The following TTC13 variants were observed in gnomAD, a reference collection of about 807,000 sequenced individuals.
TTC13 encodes tetratricopeptide repeat protein 13.
In TTC13, 62 loss-of-function variants were observed where a neutral mutation model predicts 120.0. That is an observed-to-expected ratio of 0.52 (90% CI 0.42 to 0.64). TTC13 has a LOEUF of 0.64. TTC13 is among the 30% of genes least tolerant of loss of function. The pLI is 0.00. For synonymous variants in TTC13, 384 were observed against 393.5 expected, an observed-to-expected ratio of 0.98 and a Z score of 0.28; for missense variants, 824 against 1,050.2, an observed-to-expected ratio of 0.78 and a Z score of 2.98.
chr1:230,914,792 A>G (rs1359589854), intron 18 of TTC13, among the ~76,000 whole-genome samples: 1 of 152,032 alleles, frequency 6.6e-6, no homozygotes, highest in Non-Finnish European at 1.5e-5. Flanking sequence ...TCAGCTGTTT[A>G]TGTTTTTGGT....
intron 1 of TTC13, among the ~76,000 whole-genome samples, chr1:230,963,441 C>T (rs1676827168): frequency 1.4e-5 from 1 of 73,824 alleles, no homozygotes; most frequent in South Asian, 5.2e-4. Context: ...GAGTTTGAGA[C>T]CAACCTGGGC....
In TTC13 at chr1:230,918,229, G is replaced by C. The variant is rs1672231599; in HGVS notation, c.1984-1927C>G. ...CAGGAATGCAAATAGCATACACATT[G>C]AGTAAGGAGTCTACTATATATAGCT... On this transcript the variant is annotated intron_variant, in intron 17 of 22. Transcript: ENST00000366661. Among the ~76,000 whole-genome samples the C allele has an allele frequency of 4.6e-5, 7 of 152,188 alleles. 1 individual carries two copies. The highest frequency in any genetic ancestry group is 1.3e-4 in the Admixed American group (2 of 15,276).
chr1:230,931,736 C>T lies in TTC13; in HGVS notation c.1125G>A (p.Lys375=). 1 of 1,613,814 alleles carries T rather than the reference C, an allele frequency of 6.2e-7. No homozygotes were observed. The highest frequency in any genetic ancestry group is 8.5e-7 in the Non-Finnish European group (1 of 1,179,898). Residue 375 remains lysine, a splice_region_variant and synonymous_variant, in exon 10 of 23, where the codon AAG becomes AAA. Transcript: ENST00000366661. ...GSLQEALKNF[K]RCLQLEPYNE... ...AGTGTTCTTATTTATGGATGCTCAC[C>T]TTAAAGTTCTTAAGGGCTTCCTGTA... is the stretch of plus-strand genomic sequence containing the variant.
At chr1:230,922,734 C>G (rs1360660052) in intron 15 of TTC13, among the ~76,000 whole-genome samples, 2 of 152,176 alleles carry the variant, frequency 1.3e-5, no homozygotes, top group Admixed American at 1.3e-4. Flanking sequence ...TCAGGCACCC[C>G]TTCTCCAGGT....
intron 1 of TTC13, among the ~76,000 whole-genome samples, chr1:230,976,894 A>G (rs1006170845): frequency 2.0e-5 from 3 of 152,362 alleles, no homozygotes; most frequent in Admixed American, 1.3e-4. Flanking sequence ...TAATCGATAC[A>G]TACCTTCTAC....
At chr1:230,925,459 T>C in intron 13 of TTC13, 58 bp downstream of exon 13, 1 of 1,593,874 alleles carries the variant, frequency 6.3e-7, no homozygotes, top group East Asian at 2.2e-5. Context: ...CAACATGGCT[T>C]AACCACCCTT....
At chr1:230,967,894 G>A (rs1572293099) in intron 1 of TTC13, among the ~76,000 whole-genome samples, 1 of 152,322 alleles carries the variant, frequency 6.6e-6, no homozygotes, top group East Asian at 1.9e-4. Flanking sequence ...CGTCGTACAA[G>A]TAAAGTTAGT....
intron 6 of TTC13, among the ~76,000 whole-genome samples, chr1:230,941,887 G>A (rs1299408769): frequency 6.6e-6 from 1 of 152,028 alleles, no homozygotes; most frequent in Non-Finnish European, 1.5e-5. Flanking sequence ...ATAATAATGA[G>A]TAACTTTAAA....
rs1673293964 is a variant in TTC13 at position 230,928,990 on chromosome 1, C to G, written c.1404G>C (p.Leu468Phe). 1 of 1,614,020 alleles carries G rather than the reference C, an allele frequency of 6.2e-7. No homozygotes were observed. The highest frequency in any genetic ancestry group is 1.3e-5 in the African/African-American group (1 of 74,920). Reference protein sequence around the residue: ...GSFKDHWAKNLPFLIEDYEEQ... With the variant: ...GSFKDHWAKNFPFLIEDYEEQ... Reference sequence around the variant, plus strand: ...CTTCGTAGTCTTCTATGAGGAAAGGCAAATTTTTAGCCCAGTGGTCCTTAA... The same window carrying G: ...CTTCGTAGTCTTCTATGAGGAAAGGGAAATTTTTAGCCCAGTGGTCCTTAA... The change falls in exon 12 of 23, where the codon TTG becomes TTC. Residue 468 changes from leucine (L) to phenylalanine (F), a missense_variant. Around this residue, in one of 4 missense-constraint regions of TTC13, gnomAD observed 430 missense variants for 626.8 expected, o/e 0.69. Transcript: ENST00000366661.
chr1:230,962,094 C>G (rs1369528515), intron 1 of TTC13, among the ~76,000 whole-genome samples: 1 of 151,994 alleles, frequency 6.6e-6, no homozygotes, highest in East Asian at 1.9e-4. Flanking sequence ...CCTGTAATCC[C>G]AGCTACTTGG....
At chr1:230,973,064 G>C (rs987710237) in intron 1 of TTC13, among the ~76,000 whole-genome samples, 1 of 152,182 alleles carries the variant, frequency 6.6e-6, no homozygotes, top group Non-Finnish European at 1.5e-5. Context: ...ATGAAACTAT[G>C]TATGATGACA....
intron 1 of TTC13, among the ~76,000 whole-genome samples, chr1:230,977,914 C>A (rs527614373): frequency 1.9e-4 from 29 of 152,374 alleles, no homozygotes; most frequent in Middle Eastern, 6.8e-3. Context: ...GACACACAGG[C>A]TCAAGGCCTG....
At chr1:230,917,859 T>C (rs900993409) in intron 17 of TTC13, among the ~76,000 whole-genome samples, 4 of 152,216 alleles carry the variant, frequency 2.6e-5, no homozygotes, top group African/African-American at 9.6e-5. Context: ...CTAACTAGAA[T>C]ACCCACAGGA....
intron 3 of TTC13, chr1:230,956,678 C>G (rs1336460848): frequency 4.4e-6 from 1 of 227,302 alleles, no homozygotes; most frequent in Non-Finnish European, 9.0e-6. Flanking sequence ...TTGAATTCCA[C>G]TTAAAATCAA....
chr1:230,943,236 T>G (rs886599381), intron 6 of TTC13, among the ~76,000 whole-genome samples: 8 of 152,138 alleles, frequency 5.3e-5, no homozygotes, highest in African/African-American at 1.7e-4. Flanking sequence ...TTATATTTTT[T>G]GTGTTTTTTT....
intron 6 of TTC13, among the ~76,000 whole-genome samples, chr1:230,943,201 G>T (rs1674669457): frequency 6.6e-6 from 1 of 151,316 alleles, no homozygotes; most frequent in South Asian, 2.1e-4. Flanking sequence ...ATTTTTCAAT[G>T]AATATTATGT....
rs1678587387 is a variant in TTC13, at chr1:230,978,387, TG to T, written c.271+172del. On this transcript the variant is annotated intron_variant, in intron 1 of 22. Transcript: ENST00000366661. This position sits in a 1 kb window ranked among gnomAD's most constrained non-coding sequence, Gnocchi z 5.6. ...GGCTGCAGGAGGGCGCGCGGCGGCG[TG>T]GGTGGCAGCGGCGGGAAGCTGCCCG... Among the ~76,000 whole-genome samples the T allele has an allele frequency of 6.6e-6, 1 of 151,534 alleles. No homozygotes were observed. The highest frequency in any genetic ancestry group is 1.5e-5 in the Non-Finnish European group (1 of 67,792).
chr1:230,936,951 T>C (rs1000375569), intron 8 of TTC13, among the ~76,000 whole-genome samples: 1 of 152,212 alleles, frequency 6.6e-6, no homozygotes, highest in Non-Finnish European at 1.5e-5. Context: ...AAGGAGTCAG[T>C]AAGTAACTAC....
intron 3 of TTC13, among the ~76,000 whole-genome samples, chr1:230,955,019 T>C (rs1675922876): frequency 6.6e-6 from 1 of 152,230 alleles, no homozygotes; most frequent in Non-Finnish European, 1.5e-5. Context: ...CCACTTTGTA[T>C]CACGTTGTTT....
Sources: allele counts gnomAD v4.1 joint callset (sites outside exome capture counted in the v4.1 genomes callset), GRCh38; gene constraint gnomAD v4.1.1; regional missense constraint gnomAD v4.1.1; non-coding constraint Gnocchi (gnomAD v3.1); transcripts MANE v1.5; gene names NCBI Gene and HGNC (gene_info 2026-07-23, HGNC 2026-07-21).